LRP1: variants seen among roughly 807,000 people sequenced by gnomAD.
LRP1 encodes the protein LDL receptor related protein 1, also known as prolow-density lipoprotein receptor-related protein 1.
Under a neutral mutation model 541.5 loss-of-function variants are expected in LRP1, and 51 were observed. That is an observed-to-expected ratio of 0.09 (90% CI 0.08 to 0.12). The LOEUF is 0.12. Among genes scored for constraint, LRP1 ranks in the 10% least tolerant of loss-of-function variants. The pLI is 1.00. For missense variants in LRP1, 3,878 were observed against 6,376.2 expected (o/e 0.61, Z 13.34); for synonymous variants, 2,219 against 2,470.8 (o/e 0.90, Z 3.02).
intron 22 of LRP1, among the ~76,000 whole-genome samples, chr12:57,174,980 C>T (rs1372086751): frequency 6.6e-6 from 1 of 152,144 alleles, no homozygotes; most frequent in Admixed American, 6.5e-5. Flanking sequence ...GAACTGCCGA[C>T]AGGCTATCAG....
Position 57,201,656 on chromosome 12 carries a change from A to G in LRP1, c.10468+37A>G, listed in dbSNP as rs981287865. On this transcript the variant is annotated intron_variant, in intron 66 of 88. Coordinates refer to ENST00000243077, the MANE Select transcript of LRP1 (RefSeq NM_002332.3). This position sits in a 1 kb window ranked among gnomAD's most constrained non-coding sequence, Gnocchi z 6.4. ...GGCCTGGAGCCCAGCTTCCCTCCCC[A>G]GTGTCTGCTGCTCACACCACCCCGA... The G allele has an allele frequency of 1.2e-6, 2 of 1,602,930 alleles. No homozygotes were observed. The highest frequency in any genetic ancestry group is 1.7e-5 in the Admixed American group (1 of 59,564).
rs897889608 is a variant in LRP1 at position 57,194,118 on chromosome 12, C to T, written c.7918+106C>T. 3 of 1,093,896 alleles carry T rather than the reference C, an allele frequency of 2.7e-6. No homozygotes were observed. In the African/African-American group the frequency reaches 4.6e-5, roughly 17 times the overall value. 67.8% of individuals were successfully genotyped at this position (1,093,896 alleles called of 1,614,324 possible). A position where few individuals can be genotyped will look rare whatever the true frequency, so the allele number is the denominator to read the frequency against. ...CTGCCCACATTCCTCTCTGCCTTCC[C>T]TCATCCCCGCTGACAGCCTCCATCT... On this transcript the variant is annotated intron_variant, in intron 48 of 88. Transcript: ENST00000243077.
At chr12:57,150,876 C>T (rs962697717) in intron 6 of LRP1, among the ~76,000 whole-genome samples, 1 of 151,662 alleles carries the variant, frequency 6.6e-6, no homozygotes, top group Non-Finnish European at 1.5e-5. Context: ...GTGTCTAGGG[C>T]CCAGTTGGAC....
intron 6 of LRP1, among the ~76,000 whole-genome samples, chr12:57,146,148 C>T (rs2035401355): frequency 6.6e-6 from 1 of 152,122 alleles, no homozygotes; most frequent in African/African-American, 2.4e-5. Context: ...GAAAGGGGCA[C>T]GAGCATAGCT....
In LRP1 at chr12:57,198,613, G is replaced by T; in HGVS notation, c.9619G>T (p.Asp3207Tyr). The change falls in exon 60 of 89, where the codon GAC (aspartate) becomes TAC (tyrosine). Residue 3207 changes from aspartate (D) to tyrosine (Y), a missense_variant. Physicochemically the swap from Asp to Tyr is radical, Grantham distance 160. Around this residue, in one of 13 missense-constraint regions of LRP1, gnomAD observed 1,100 missense variants for 1,827.4 expected, o/e 0.60. Coordinates refer to ENST00000243077, the MANE Select transcript of LRP1 (RefSeq NM_002332.3). ...TGTCACTGAGCGCATCTACTGGGCC[G>T]ACGCCCGCGAGGACTACATTGAATT... ...DYVTERIYWADAREDYIEFAS... is the reference protein window; with the variant it reads ...DYVTERIYWAYAREDYIEFAS... 1 of 1,613,478 alleles carries T rather than the reference G, an allele frequency of 6.2e-7. No individual in the cohort carries two copies. Among genetic ancestry groups the T allele is most frequent in the Non-Finnish European group, 8.5e-7 (1 of 1,179,858 alleles).
At position 57,195,388 on chromosome 12, in the gene LRP1, C is replaced by T; in HGVS notation, c.8426C>T (p.Ala2809Val). 6.2e-7 allele frequency: 1 copy of T among 1,607,184 alleles called. No individual in the cohort carries two copies. Among genetic ancestry groups the T allele is most frequent in the Non-Finnish European group, 8.5e-7 (1 of 1,179,628 alleles). Residue 2809 changes from alanine to valine, a missense_variant, in exon 52 of 89, where the codon GCA becomes GTA. Physicochemically the swap from Ala to Val is moderately conservative, Grantham distance 64. Coordinates refer to ENST00000243077, the MANE Select transcript of LRP1 (RefSeq NM_002332.3). Reference sequence around the variant, plus strand: ...GCTGATGGTGCAGACGAGAGCATCGCAGCTGGTTGCTGTGAGTGGCGGGGC... The same window carrying T: ...GCTGATGGTGCAGACGAGAGCATCGTAGCTGGTTGCTGTGAGTGGCGGGGC... ...DCADGADESI[A>V]AGCLYNSTCD... is the part of the protein sequence containing the mutation.
At position 57,166,927 on chromosome 12, in the gene LRP1, C is replaced by T. The variant is rs367805764; in HGVS notation, c.2798-3C>T. The T allele has an allele frequency of 3.8e-5, 59 of 1,570,654 alleles. No individual in the cohort carries two copies. The African/African-American group carries it at 6.5e-4, about 17-fold the overall frequency. On this transcript the variant is annotated splice_polypyrimidine_tract_variant and splice_region_variant and intron_variant, in intron 17 of 88. Coordinates refer to ENST00000243077, the MANE Select transcript of LRP1 (RefSeq NM_002332.3). Reference sequence around the variant, plus strand: ...AGTACTCACACCCATCCCTGCCCCCCAGCCCGCACCTGCCCCCCCAACCAG... The same window carrying T: ...AGTACTCACACCCATCCCTGCCCCCTAGCCCGCACCTGCCCCCCCAACCAG...
rs2035592650 is a variant in LRP1, at chr12:57,154,984, G to A, written c.1227+283G>A. The A allele has an allele frequency of 1.7e-6, 1 of 588,688 alleles. No homozygotes were observed. Among genetic ancestry groups the A allele is most frequent in the African/African-American group, 1.9e-5 (1 of 53,734 alleles). The allele number at this position is 588,688 out of a possible 1,614,324, so 36.5% of individuals were successfully genotyped here. On this transcript the variant is annotated intron_variant, in intron 8 of 88. Transcript: ENST00000243077. The surrounding 1 kb of genome is among the most constrained non-coding windows in gnomAD (Gnocchi z 4.6). ...CCCCTAGCTGATGAACAGGGAGGTG[G>A]TTCAGTTCCCTTTCAGCAGATGAAA...
rs976776611 is a variant in LRP1 at position 57,154,006 on chromosome 12, T to C, written c.842-202T>C. ...GTCCCTTTTCAAGGATGGGCTAGAA[T>C]TGGGAAGTCTGTCAGTCAACCAGCC... On this transcript the variant is annotated intron_variant, in intron 6 of 88. Transcript: ENST00000243077. The surrounding 1 kb of genome is among the most constrained non-coding windows in gnomAD (Gnocchi z 4.6). 2.6e-5 allele frequency among the ~76,000 whole-genome samples: 4 copies of C among 151,734 alleles called. No homozygotes were observed. Among genetic ancestry groups the C allele is most frequent in the African/African-American group, 9.7e-5 (4 of 41,272 alleles).
intron 1 of LRP1, among the ~76,000 whole-genome samples, chr12:57,135,567 T>C (rs1443161061): frequency 6.6e-6 from 1 of 152,240 alleles, no homozygotes; most frequent in Non-Finnish European, 1.5e-5. Flanking sequence ...TCCAGATTCC[T>C]GGGCCCTTCA....
In LRP1 at chr12:57,197,568, G is replaced by C; in HGVS notation, c.9186G>C (p.Leu3062Phe). The C allele has an allele frequency of 6.2e-7, 1 of 1,613,994 alleles. No homozygotes were observed. The highest frequency in any genetic ancestry group is 8.5e-7 in the Non-Finnish European group (1 of 1,180,000). Residue 3062 changes from leucine to phenylalanine, a missense_variant, in exon 58 of 89, where the codon TTG (leucine) becomes TTC (phenylalanine). This residue lies in a region of LRP1 where 1,100 missense variants were observed against 1,827.4 expected (regional missense o/e 0.60). Transcript: ENST00000243077. This position sits in a 1 kb window ranked among gnomAD's most constrained non-coding sequence, Gnocchi z 4.5. The part of the protein sequence containing the change: ...LKQGLNNAVA[L>F]DFDYREQMIY... ...AGGGCCTGAACAACGCCGTTGCCTT[G>C]GATTTTGACTACCGAGAGCAGATGA...
rs2035851565 is a variant in LRP1, at chr12:57,166,918, C to G, written c.2798-12C>G. ...AGGACAATGAGTACTCACACCCATC[C>G]CTGCCCCCCAGCCCGCACCTGCCCC... On this transcript the variant is annotated splice_polypyrimidine_tract_variant and intron_variant, in intron 17 of 88. Transcript: ENST00000243077. 1.6e-5 allele frequency: 23 copies of G among 1,459,358 alleles called. No individual in the cohort carries two copies. Among genetic ancestry groups the G allele is most frequent in the Non-Finnish European group, 2.1e-5 (22 of 1,039,546 alleles). 90.4% of individuals were successfully genotyped at this position (1,459,358 alleles called of 1,614,324 possible).
At chr12:57,141,584 C>T (rs2035293291) in intron 3 of LRP1, 73 bp downstream of exon 3, 3 of 1,577,314 alleles carry the variant, frequency 1.9e-6, no homozygotes, top group Non-Finnish European at 2.6e-6. Context: ...GAGGACTGTC[C>T]TGGCACCTTC....
At position 57,128,722 on chromosome 12, in the gene LRP1, G is replaced by A. The variant is rs1287748120; in HGVS notation, c.-243G>A. Reference sequence around the variant, plus strand: ...AAGAGCAGCGAGGAGTGAAGCGGGGGGGTGGGGTGAAGGGTTTGGATTTCG... The same window carrying A: ...AAGAGCAGCGAGGAGTGAAGCGGGGAGGTGGGGTGAAGGGTTTGGATTTCG... On this transcript the variant is annotated 5_prime_UTR_variant, in exon 1 of 89. Coordinates refer to ENST00000243077, the MANE Select transcript of LRP1 (RefSeq NM_002332.3). 1.7e-5 allele frequency: 7 copies of A among 418,902 alleles called. No homozygotes were observed. The South Asian group carries it at 3.8e-4, about 23-fold the overall frequency. The allele number at this position is 418,902 out of a possible 1,614,324, so 25.9% of individuals were successfully genotyped here. A position where few individuals can be genotyped will look rare whatever the true frequency, so the allele number is the denominator to read the frequency against.
rs1205878673 is a variant in LRP1 at position 57,192,878 on chromosome 12, G to A, written c.7463G>A (p.Gly2488Asp). 6.2e-7 allele frequency: 1 copy of A among 1,613,960 alleles called. No individual in the cohort carries two copies. The part of the protein sequence containing the change: ...ELSPCRINNG[G>D]CQDLCLLTHQ... ...TCTCCATGCCGAATCAACAACGGTG[G>A]CTGCCAGGACCTGTGTCTGCTCACT... Residue 2488 changes from glycine (G) to aspartate (D), a missense_variant, in exon 45 of 89, where the codon GGC becomes GAC. Gly to Asp is a moderately conservative substitution (Grantham distance 94, BLOSUM62 -1). Coordinates refer to ENST00000243077, the MANE Select transcript of LRP1 (RefSeq NM_002332.3).
intron 20 of LRP1, among the ~76,000 whole-genome samples, chr12:57,172,166 G>A (rs1013209994): frequency 4.0e-5 from 6 of 149,124 alleles, no homozygotes; most frequent in African/African-American, 1.2e-4. Context: ...CAGCTGTGGC[G>A]TTTTCTTTTC....
chr12:57,175,955 G>C lies in LRP1; in HGVS notation c.3840G>C (p.Arg1280=), dbSNP rs973895093. 1 of 1,614,074 alleles carries C rather than the reference G, an allele frequency of 6.2e-7. No homozygotes were observed. The highest frequency in any genetic ancestry group is 1.3e-5 in the African/African-American group (1 of 74,938). The part of the protein sequence containing the change: ...FIIFSNRHEI[R]RIDLHKGDYS... Reference sequence around the variant, plus strand: ...TTTTCTCCAACCGCCATGAAATCCGGCGCATCGATCTTCACAAAGGAGACT... The same window carrying C: ...TTTTCTCCAACCGCCATGAAATCCGCCGCATCGATCTTCACAAAGGAGACT... Residue 1280 remains arginine (R), a synonymous_variant, in exon 24 of 89, where the codon CGG becomes CGC. Transcript: ENST00000243077.
intron 6 of LRP1, chr12:57,149,624 G>A (rs1199529920): frequency 5.7e-6 from 4 of 706,918 alleles, no homozygotes; most frequent in South Asian, 4.4e-5. Flanking sequence ...TGCCTCTTGG[G>A]GACCTAAGCC....
At position 57,204,866 on chromosome 12, in the gene LRP1, G is replaced by A; in HGVS notation, c.11194+117G>A. The stretch of plus-strand genomic sequence containing the variant: ...TTAACCAGGAGGACTCGCCCAGGAA[G>A]GGGAGGATCCATTGCTAGGAGCCTG... On this transcript the variant is annotated intron_variant, in intron 72 of 88. Coordinates refer to ENST00000243077, the MANE Select transcript of LRP1 (RefSeq NM_002332.3). The surrounding 1 kb of genome is among the most constrained non-coding windows in gnomAD (Gnocchi z 5.3). 2 of 1,494,378 alleles carry A rather than the reference G, an allele frequency of 1.3e-6. No homozygotes were observed. The highest frequency in any genetic ancestry group is 2.5e-5 in the South Asian group (2 of 78,914). The allele number at this position is 1,494,378 out of a possible 1,614,324, so 92.6% of individuals were successfully genotyped here.
Sources: gnomAD v4.1 joint callset for allele counts (sites outside exome capture counted in the v4.1 genomes callset) on GRCh38, gnomAD v4.1.1 for gene constraint, gnomAD v4.1.1 regional missense constraint, Gnocchi (gnomAD v3.1) non-coding constraint, MANE v1.5 for transcripts, NCBI Gene and HGNC (gene_info 2026-07-23, HGNC 2026-07-21) for gene names.